The following UBE2N variants were observed in gnomAD, a reference collection of about 807,000 sequenced individuals.
UBE2N encodes the protein ubiquitin conjugating enzyme E2 N.
For synonymous variants in UBE2N, 70 were observed against 69.2 expected, an observed-to-expected ratio of 1.01 and a Z score of -0.06; for missense variants, 60 against 192.1, an observed-to-expected ratio of 0.31 and a Z score of 4.07.
chr12:93,412,112 T>C (rs919891449), intron 1 of UBE2N, among the ~76,000 whole-genome samples: 5 of 152,340 alleles, frequency 3.3e-5, no homozygotes, highest in Middle Eastern at 3.4e-3. Context: ...TTAACAATGC[T>C]GATTACTCTA....
chr12:93,417,033 G>A (rs373234507), intron 1 of UBE2N, among the ~76,000 whole-genome samples: 1 of 152,166 alleles, frequency 6.6e-6, no homozygotes, highest in Non-Finnish European at 1.5e-5. Context: ...AGAAAGCACT[G>A]TAGACTATGT....
At chr12:93,440,152 T>C (rs1403083823) in intron 1 of UBE2N, among the ~76,000 whole-genome samples, 2 of 152,242 alleles carry the variant, frequency 1.3e-5, no homozygotes, top group African/African-American at 4.8e-5. Flanking sequence ...TTGCATTATG[T>C]ACTTAGTCAA....
chr12:93,421,434 C>T (rs1376899070), intron 1 of UBE2N, among the ~76,000 whole-genome samples: 3 of 152,174 alleles, frequency 2.0e-5, no homozygotes, highest in Admixed American at 1.3e-4. Flanking sequence ...GATCTCCTGA[C>T]CTCGTGATCT....
At chr12:93,418,068 A>G (rs1200927300) in intron 1 of UBE2N, among the ~76,000 whole-genome samples, 1 of 152,068 alleles carries the variant, frequency 6.6e-6, no homozygotes, top group Non-Finnish European at 1.5e-5. Context: ...GCCTCAAGCA[A>G]TCTTCCCGCC....
At chr12:93,416,429 T>A (rs1878210234) in intron 1 of UBE2N, among the ~76,000 whole-genome samples, 1 of 151,748 alleles carries the variant, frequency 6.6e-6, no homozygotes, top group South Asian at 2.1e-4. Flanking sequence ...GGGCTAAAAT[T>A]CCTACTGTTT....
At chr12:93,417,823 T>C (rs934262751) in intron 1 of UBE2N, among the ~76,000 whole-genome samples, 3 of 152,134 alleles carry the variant, frequency 2.0e-5, no homozygotes, top group Admixed American at 6.5e-5. Flanking sequence ...CAAAGTTGTG[T>C]GTTATAGAAA....
intron 1 of UBE2N, among the ~76,000 whole-genome samples, chr12:93,429,512 T>C (rs1017285752): frequency 6.6e-6 from 1 of 151,762 alleles, no homozygotes; most frequent in South Asian, 2.1e-4. Context: ...GCCTAGTATT[T>C]ACTATACTAT....
At position 93,410,022 on chromosome 12, in the gene UBE2N, T is replaced by C. The variant is rs1877986895; in HGVS notation, c.*17A>G. 3 of 1,612,474 alleles carry C rather than the reference T, an allele frequency of 1.9e-6. No homozygotes were observed. Among genetic ancestry groups the C allele is most frequent in the South Asian group, 1.1e-5 (1 of 90,864 alleles). On this transcript the variant is annotated 3_prime_UTR_variant, in exon 4 of 4. Coordinates refer to ENST00000318066, the MANE Select transcript of UBE2N (RefSeq NM_003348.4). ...GCAGAACAGGAGAAGTGATGCACACTTGATGATCGTATCAATTTAAATATT... is the reference window on the plus strand; with the variant it reads ...GCAGAACAGGAGAAGTGATGCACACCTGATGATCGTATCAATTTAAATATT...
chr12:93,416,710 T>A (rs796653094), intron 1 of UBE2N, among the ~76,000 whole-genome samples: 10 of 152,154 alleles, frequency 6.6e-5, no homozygotes, highest in African/African-American at 2.4e-4. Flanking sequence ...ATCTATCTTT[T>A]GGCACAAATA....
chr12:93,421,292 C>T (rs1474317873), intron 1 of UBE2N, among the ~76,000 whole-genome samples: 1 of 152,014 alleles, frequency 6.6e-6, no homozygotes, highest in Admixed American at 6.6e-5. Context: ...AGCTCCACCT[C>T]CCGGGTTCAC....
intron 1 of UBE2N, among the ~76,000 whole-genome samples, chr12:93,425,812 T>C (rs896237135): frequency 6.6e-6 from 1 of 152,208 alleles, no homozygotes; most frequent in South Asian, 2.1e-4. Context: ...TACACTTAAA[T>C]GGACCAATTA....
intron 1 of UBE2N, among the ~76,000 whole-genome samples, chr12:93,438,262 G>A (rs1036545890): frequency 2.6e-5 from 4 of 152,098 alleles, no homozygotes; most frequent in Non-Finnish European, 4.4e-5. Flanking sequence ...ACATAACTTC[G>A]AACAGTAATA....
chr12:93,436,444 T>C (rs1043982049), intron 1 of UBE2N, among the ~76,000 whole-genome samples: 1 of 152,186 alleles, frequency 6.6e-6, no homozygotes, highest in African/African-American at 2.4e-5. Context: ...GGAATGTCAG[T>C]CACTGTATCA....
intron 2 of UBE2N, 76 bp downstream of exon 2, chr12:93,410,977 C>A (rs756534417): frequency 3.3e-5 from 53 of 1,612,770 alleles, no homozygotes; most frequent in Non-Finnish European, 4.2e-5. Context: ...ATAATGTTTA[C>A]ATTCTAAACA....
chr12:93,439,353 C>G (rs1879033552), intron 1 of UBE2N, among the ~76,000 whole-genome samples: 1 of 152,158 alleles, frequency 6.6e-6, no homozygotes, highest in African/African-American at 2.4e-5. Flanking sequence ...TGGCATGCAC[C>G]TTGCAGTCCC....
intron 1 of UBE2N, among the ~76,000 whole-genome samples, chr12:93,416,519 C>T (rs1194597387): frequency 6.6e-6 from 1 of 151,236 alleles, no homozygotes; most frequent in East Asian, 1.9e-4. Context: ...ACGATCTTGG[C>T]TCACTGCAAC....
chr12:93,441,703 G>T, intron 1 of UBE2N, 152 bp downstream of exon 1: 2 of 1,062,624 alleles, frequency 1.9e-6, no homozygotes, highest in South Asian at 3.4e-5. Flanking sequence ...CTCAGCACCC[G>T]ACTTCCCTCG....
At chr12:93,425,922 C>T (rs1444283239) in intron 1 of UBE2N, among the ~76,000 whole-genome samples, 4 of 152,262 alleles carry the variant, frequency 2.6e-5, no homozygotes, top group Admixed American at 2.6e-4. Flanking sequence ...GTGATCATTG[C>T]CTCAATAATC....
intron 1 of UBE2N, chr12:93,429,321 T>C (rs764612092): frequency 7.2e-6 from 3 of 418,366 alleles, no homozygotes; most frequent in Admixed American, 3.1e-5. Flanking sequence ...GATATATAAA[T>C]GAATGCAAGA....
Sources: allele counts gnomAD v4.1 joint callset (sites outside exome capture counted in the v4.1 genomes callset), GRCh38; gene constraint gnomAD v4.1.1; transcripts MANE v1.5; gene names NCBI Gene and HGNC (gene_info 2026-07-23, HGNC 2026-07-21).